The following TRRAP variants were observed in gnomAD, a reference collection of about 807,000 sequenced individuals.
The protein encoded by TRRAP is transformation/transcription domain associated protein.
A neutral mutation model predicts 438.8 loss-of-function variants in TRRAP; 41 were observed. The ratio of observed to expected loss-of-function variants is 0.09; its 90% confidence interval spans 0.07 to 0.12. The LOEUF is 0.12. TRRAP is among the 10% of genes least tolerant of loss of function. The pLI is 1.00. For missense variants in TRRAP, 3,122 were observed against 5,055.1 expected, an observed-to-expected ratio of 0.62 and a Z score of 11.60; for synonymous variants, 1,994 against 1,962.9, an observed-to-expected ratio of 1.02 and a Z score of -0.42.
chr7:98,917,991 C>T (rs557103418), intron 20 of TRRAP, among the ~76,000 whole-genome samples: 300 of 151,726 alleles, frequency 2.0e-3, no homozygotes, highest in Non-Finnish European at 3.0e-3. Context: ...GCATGGTGGC[C>T]GACACCTGTA....
Position 98,944,943 on chromosome 7 carries a change from T to G in TRRAP, c.4474-804T>G, listed in dbSNP as rs139972123. Among the ~76,000 whole-genome samples the G allele has an allele frequency of 2.5e-3, 386 of 152,296 alleles. 2 individuals carry two copies. Among genetic ancestry groups the G allele is most frequent in the Non-Finnish European group, 3.6e-3 (244 of 68,004 alleles). On this transcript the variant is annotated intron_variant, in intron 31 of 72. Transcript: ENST00000456197. ...CCTCAGCCTCCCAAGTAGCTGGGATTACAGGCGCCTGACACCACATCCAGC... is the reference window on the plus strand; with the variant it reads ...CCTCAGCCTCCCAAGTAGCTGGGATGACAGGCGCCTGACACCACATCCAGC...
rs782662686 is a variant in TRRAP at position 98,949,769 on chromosome 7, G to A, written c.5063G>A (p.Arg1688His). 8.1e-6 allele frequency: 13 copies of A among 1,613,770 alleles called. No individual in the cohort carries two copies. Among genetic ancestry groups the A allele is most frequent in the African/African-American group, 5.3e-5 (4 of 74,932 alleles). Residue 1688 changes from arginine (R) to histidine (H), a missense_variant, in exon 37 of 73, where the codon CGC (arginine) becomes CAC (histidine). Physicochemically the swap from Arg to His is conservative, Grantham distance 29. Coordinates refer to ENST00000456197, the MANE Select transcript of TRRAP (RefSeq NM_001375524.1). ...AGTGAGAACTTCCAAGAGAGGCACC[G>A]CAAGGAGAACATGGCAGCCACCAAC... ...WVSENFQERH[R>H]KENMAATNWK...
At chr7:98,925,651 C>A (rs1305990716) in intron 22 of TRRAP, among the ~76,000 whole-genome samples, 1 of 152,228 alleles carries the variant, frequency 6.6e-6, no homozygotes, top group Admixed American at 6.5e-5. Flanking sequence ...CCAGATATTT[C>A]TCATGTGATG....
At chr7:98,942,823 G>A in intron 30 of TRRAP, 126 bp from the exon 31 acceptor site, 1 of 1,028,756 alleles carries the variant, frequency 9.7e-7, no homozygotes, top group East Asian at 2.6e-5. Flanking sequence ...TGGTTGCGCT[G>A]TTTTAATAAT....
At chr7:98,951,059 C>CTGTCTG in intron 39 of TRRAP, 55 bp downstream of exon 39, 1 of 968,024 alleles carries the variant, frequency 1.0e-6, no homozygotes, top group Non-Finnish European at 1.4e-6. Flanking sequence ...GGATGAACAT[C>CTGTCTG]TGTGTGTGTG....
chr7:98,906,402 T>TTTTATTTA lies in TRRAP; in HGVS notation c.1115+187_1115+194dup, dbSNP rs3066870. On this transcript the variant is annotated intron_variant, in intron 13 of 72. Coordinates refer to ENST00000456197, the MANE Select transcript of TRRAP (RefSeq NM_001375524.1). ...AGCAAGTGCAGGATTTTTGTTTTTG[T>TTTTATTTA]TTTATTTATTTATTTATTTATTTAT... 1,504 of 194,810 alleles carry TTTTATTTA rather than the reference T, an allele frequency of 7.7e-3. 22 individuals are homozygous for TTTTATTTA. Among genetic ancestry groups the TTTTATTTA allele is most frequent in the African/African-American group, 0.019 (759 of 39,416 alleles). The allele number at this position is 194,810 out of a possible 1,614,324, so 12.1% of individuals were successfully genotyped here. A position where few individuals can be genotyped will look rare whatever the true frequency, so the allele number is the denominator to read the frequency against.
chr7:98,965,812 T>A lies in TRRAP; in HGVS notation c.7093T>A (p.Ser2365Thr). 6.2e-7 allele frequency: 1 copy of A among 1,613,776 alleles called. No individual in the cohort carries two copies. Among genetic ancestry groups the A allele is most frequent in the Non-Finnish European group, 8.5e-7 (1 of 1,179,962 alleles). Residue 2365 changes from serine to threonine, a missense_variant, in exon 49 of 73, where the codon TCA (serine) becomes ACA (threonine). Coordinates refer to ENST00000456197, the MANE Select transcript of TRRAP (RefSeq NM_001375524.1). ...CATCCTGACATCCCTCATCGAAAAA[T>A]CACCAGATGCCAAAATCCTCCGGGC... ...QAILTSLIEK[S>T]PDAKILRAVV...
chr7:98,903,952 G>A lies in TRRAP; in HGVS notation c.1036+435G>A, dbSNP rs552987599. ...AGCCTCCCAAGTAGCAGAAATTACA[G>A]GCATCCACCACCACGCCCGGTTAAT... On this transcript the variant is annotated intron_variant, in intron 12 of 72. Transcript: ENST00000456197. 1.2e-4 allele frequency among the ~76,000 whole-genome samples: 18 copies of A among 152,212 alleles called. 2 individuals are homozygous for A. In the South Asian group the frequency reaches 3.7e-3, roughly 32 times the overall value.
chr7:98,879,000 G>A (rs1175527908), intron 1 of TRRAP, among the ~76,000 whole-genome samples: 1 of 152,064 alleles, frequency 6.6e-6, no homozygotes, highest in Non-Finnish European at 1.5e-5. Context: ...CTGTCCCTCC[G>A]GAGGCGCCCC....
intron 30 of TRRAP, among the ~76,000 whole-genome samples, chr7:98,939,799 G>T (rs1218424544): frequency 2.0e-5 from 3 of 152,216 alleles, no homozygotes; most frequent in African/African-American, 7.2e-5. Flanking sequence ...TAATGCTTTT[G>T]TGTATGTCTC....
intron 13 of TRRAP, 61 bp downstream of exon 13, chr7:98,906,316 C>T (rs1247835505): frequency 5.9e-6 from 8 of 1,361,450 alleles, no homozygotes; most frequent in South Asian, 1.2e-5. Context: ...GTTACTGGCA[C>T]TTCATGTTAC....
rs1794144656 is a variant in TRRAP at position 99,005,943 on chromosome 7, C to G, written c.10753+595C>G. Among the ~76,000 whole-genome samples the G allele has an allele frequency of 6.6e-6, 1 of 152,212 alleles. No individual in the cohort carries two copies. ...CGGCCGAGCCTGGGCGCCAGCGAGG[C>G]AGCAGCATGCATCAGGTTTCCAGCG... is the stretch of plus-strand genomic sequence containing the variant. On this transcript the variant is annotated intron_variant, in intron 69 of 72. Transcript: ENST00000456197. This position sits in a 1 kb window ranked among gnomAD's most constrained non-coding sequence, Gnocchi z 5.1.
chr7:99,012,036 T>G lies in TRRAP; in HGVS notation c.11338-35T>G. On this transcript the variant is annotated intron_variant, in intron 72 of 72. Transcript: ENST00000456197. The surrounding 1 kb of genome is among the most constrained non-coding windows in gnomAD (Gnocchi z 5.9). ...GCTGCCCCTGTGGGCTGTTCTTGGTTAAACACAAGTCGTCTCGTTCTCTCC... is the reference window on the plus strand; with the variant it reads ...GCTGCCCCTGTGGGCTGTTCTTGGTGAAACACAAGTCGTCTCGTTCTCTCC... The G allele has an allele frequency of 6.2e-7, 1 of 1,602,446 alleles. No homozygotes were observed. The highest frequency in any genetic ancestry group is 8.5e-7 in the Non-Finnish European group (1 of 1,172,188).
chr7:98,943,829 T>TA (rs1182790323), intron 31 of TRRAP, among the ~76,000 whole-genome samples: 2 of 152,212 alleles, frequency 1.3e-5, no homozygotes, highest in Non-Finnish European at 2.9e-5. Context: ...GGGACTTCCT[T>TA]ATAGTTCTTC....
In TRRAP at chr7:98,954,978, C is replaced by T. The variant is rs1037456564; in HGVS notation, c.5731-120C>T. 6 of 983,022 alleles carry T rather than the reference C, an allele frequency of 6.1e-6. No individual in the cohort carries two copies. The African/African-American group carries it at 6.6e-5, about 11-fold the overall frequency. The allele number at this position is 983,022 out of a possible 1,614,324, so 60.9% of individuals were successfully genotyped here. On this transcript the variant is annotated intron_variant, in intron 40 of 72. Coordinates refer to ENST00000456197, the MANE Select transcript of TRRAP (RefSeq NM_001375524.1). ...CTAAGTTGTTTCCTAATAAGAAAGTCCTAAGAAGTTTTTAAAAAATTGTTT... is the reference window on the plus strand; with the variant it reads ...CTAAGTTGTTTCCTAATAAGAAAGTTCTAAGAAGTTTTTAAAAAATTGTTT...
Position 99,011,079 on chromosome 7 carries a change from C to G in TRRAP, c.10966C>G (p.Gln3656Glu). 1 of 1,614,164 alleles carries G rather than the reference C, an allele frequency of 6.2e-7. No homozygotes were observed. The highest frequency in any genetic ancestry group is 8.5e-7 in the Non-Finnish European group (1 of 1,180,018). Residue 3656 changes from glutamine (Q) to glutamate (E), a missense_variant, in exon 71 of 73, where the codon CAG (glutamine) becomes GAG (glutamate). Gln to Glu is a conservative substitution (Grantham distance 29, BLOSUM62 2). Around this residue, in one of 24 missense-constraint regions of TRRAP, gnomAD observed 192 missense variants for 355.6 expected, o/e 0.54. Transcript: ENST00000456197. The surrounding 1 kb of genome is among the most constrained non-coding windows in gnomAD (Gnocchi z 7.1). The stretch of plus-strand genomic sequence containing the variant: ...CCTCCGCGACATCCTCAAGGAGGTT[C>G]AGAGTAACATGGTGCCGCGCAGCAT... ...QVLRDILKEV[Q>E]SNMVPRSMLK...
chr7:98,931,120 C>T (rs1790304883), intron 25 of TRRAP, among the ~76,000 whole-genome samples: 1 of 152,228 alleles, frequency 6.6e-6, no homozygotes, highest in South Asian at 2.1e-4. Flanking sequence ...TCCGGAGGAG[C>T]TGCATTCTTA....
At chr7:98,990,669 C>T (rs2116796069) in intron 64 of TRRAP, 50 bp downstream of exon 64, 2 of 1,545,130 alleles carry the variant, frequency 1.3e-6, no homozygotes, top group Middle Eastern at 3.5e-4. Context: ...ATTGTGTCTT[C>T]ATTTTGCGTT....
chr7:99,006,396 G>A (rs1388619080), intron 69 of TRRAP, among the ~76,000 whole-genome samples: 2 of 152,154 alleles, frequency 1.3e-5, no homozygotes, highest in African/African-American at 2.4e-5. Context: ...AGCTCAAAAT[G>A]CATCACAGAA....
Sources: allele counts gnomAD v4.1 joint callset (sites outside exome capture counted in the v4.1 genomes callset), GRCh38; gene constraint gnomAD v4.1.1; regional missense constraint gnomAD v4.1.1; non-coding constraint Gnocchi (gnomAD v3.1); transcripts MANE v1.5; gene names NCBI Gene and HGNC (gene_info 2026-07-23, HGNC 2026-07-21).